Variants in RNF145 observed in about 807,000 individuals in gnomAD.
RNF145 encodes ring finger protein 145.
RNF145 carries 12 observed loss-of-function variants against 57.3 expected under a neutral mutation model. The observed-to-expected ratio is 0.21, with a 90% CI of 0.13 to 0.34. RNF145 has a LOEUF of 0.34. Ranked by LOEUF, RNF145 falls within the 10% of genes least tolerant of loss-of-function variation. The probability of loss-of-function intolerance (pLI) is 1.00; values close to 1 mark genes in which losing one functional copy is unlikely to be tolerated. For synonymous variants in RNF145, 262 were observed against 288.3 expected, an observed-to-expected ratio of 0.91 and a Z score of 0.92; for missense variants, 429 against 799.0, an observed-to-expected ratio of 0.54 and a Z score of 5.58.
intron 3 of RNF145, among the ~76,000 whole-genome samples, chr5:159,182,675 C>T (rs899116087): frequency 7.9e-5 from 12 of 152,056 alleles, no homozygotes; most frequent in African/African-American, 2.9e-4. Flanking sequence ...ACTCATTTAA[C>T]GTGTGACTAC....
intron 6 of RNF145, among the ~76,000 whole-genome samples, chr5:159,172,436 G>A (rs1784589422): frequency 6.6e-6 from 1 of 151,768 alleles, no homozygotes; most frequent in Non-Finnish European, 1.5e-5. Flanking sequence ...AGCCGAGATT[G>A]TGCCACTGTA....
chr5:159,203,064 T>C (rs1432902058), intron 2 of RNF145, among the ~76,000 whole-genome samples: 1 of 152,210 alleles, frequency 6.6e-6, no homozygotes, highest in Non-Finnish European at 1.5e-5. Context: ...CAATAAAGAA[T>C]GTTGCATTTT....
chr5:159,170,140 T>A (rs1320485773), intron 6 of RNF145, among the ~76,000 whole-genome samples: 1 of 152,222 alleles, frequency 6.6e-6, no homozygotes, highest in Non-Finnish European at 1.5e-5. Context: ...CTGACAAGTA[T>A]TCAAAAGAAG....
In RNF145 at chr5:159,169,064, A is replaced by G. The variant is rs1784469132; in HGVS notation, c.939-9T>C. 6.5e-7 allele frequency: 1 copy of G among 1,529,456 alleles called. No individual in the cohort carries two copies. The highest frequency in any genetic ancestry group is 2.4e-5 in the Admixed American group (1 of 41,812). 94.7% of individuals were successfully genotyped at this position (1,529,456 alleles called of 1,614,324 possible). On this transcript the variant is annotated splice_polypyrimidine_tract_variant and intron_variant, in intron 7 of 10. Transcript: ENST00000424310. ...CTCCTTCTGTCATGCCCCTAAAAAA[A>G]GCATACATTTTCAGAAAACATAAAA...
At chr5:159,204,194 A>C (rs1284644253) in intron 1 of RNF145, among the ~76,000 whole-genome samples, 1 of 152,246 alleles carries the variant, frequency 6.6e-6, no homozygotes, top group Non-Finnish European at 1.5e-5. Flanking sequence ...CATGATGTAG[A>C]TACAGGTAGA....
At chr5:159,166,551 TA>T (rs1162259966) in intron 8 of RNF145, among the ~76,000 whole-genome samples, 1 of 152,226 alleles carries the variant, frequency 6.6e-6, no homozygotes, top group African/African-American at 2.4e-5. Context: ...TAATGCAAGA[TA>T]GGAATCCAGT....
chr5:159,206,366 G>C (rs189960871), intron 1 of RNF145, among the ~76,000 whole-genome samples: 4 of 152,034 alleles, frequency 2.6e-5, no homozygotes, highest in African/African-American at 9.7e-5. Context: ...GAAAATCAAA[G>C]AGAAAAAAAT....
At chr5:159,202,123 C>A (rs1785689664) in intron 2 of RNF145, among the ~76,000 whole-genome samples, 1 of 152,174 alleles carries the variant, frequency 6.6e-6, no homozygotes, top group South Asian at 2.1e-4. Context: ...TTATGAACTT[C>A]AATTGTACTC....
At chr5:159,199,280 A>C (rs1240726866) in intron 2 of RNF145, among the ~76,000 whole-genome samples, 3 of 152,166 alleles carry the variant, frequency 2.0e-5, no homozygotes, top group African/African-American at 7.2e-5. Flanking sequence ...CAAACAACAA[A>C]AGATTAAAAT....
chr5:159,166,501 T>C (rs1784397731), intron 8 of RNF145, among the ~76,000 whole-genome samples: 1 of 152,262 alleles, frequency 6.6e-6, no homozygotes, highest in South Asian at 2.1e-4. Flanking sequence ...CTTCTGTTTT[T>C]GACATTTAAG....
chr5:159,169,601 G>A, intron 7 of RNF145, 78 bp downstream of exon 7: 9 of 1,224,534 alleles, frequency 7.3e-6, no homozygotes, highest in South Asian at 3.7e-5. Context: ...AAATTCATCA[G>A]CCAAAGAAAT....
intron 1 of RNF145, chr5:159,207,844 C>A (rs754457189): frequency 1.2e-6 from 2 of 1,614,018 alleles, no homozygotes; most frequent in Non-Finnish European, 1.7e-6. Context: ...ATACAAAGGC[C>A]ATCTTTCAAC....
intron 8 of RNF145, among the ~76,000 whole-genome samples, chr5:159,165,056 A>G (rs1290694236): frequency 6.6e-6 from 1 of 152,222 alleles, no homozygotes; most frequent in Non-Finnish European, 1.5e-5. Flanking sequence ...AATTGAATTC[A>G]TCACAATCCT....
intron 3 of RNF145, among the ~76,000 whole-genome samples, chr5:159,189,500 T>C (rs1419653416): frequency 6.6e-6 from 1 of 152,170 alleles, no homozygotes; most frequent in African/African-American, 2.4e-5. Flanking sequence ...ACACCGCTGG[T>C]AGAAATATGA....
intron 8 of RNF145, among the ~76,000 whole-genome samples, chr5:159,165,230 C>A (rs916761311): frequency 5.3e-5 from 8 of 152,182 alleles, no homozygotes; most frequent in Admixed American, 2.0e-4. Context: ...CAGGGGCAGG[C>A]CTGCCTATAT....
chr5:159,190,449 G>A (rs1041272831), intron 3 of RNF145, among the ~76,000 whole-genome samples: 2 of 152,200 alleles, frequency 1.3e-5, no homozygotes, highest in South Asian at 2.1e-4. Context: ...GCTTTGGGAG[G>A]CTGAGGCAGG....
chr5:159,188,682 C>T (rs1259128647), intron 3 of RNF145, among the ~76,000 whole-genome samples: 1 of 152,080 alleles, frequency 6.6e-6, no homozygotes, highest in East Asian at 1.9e-4. Flanking sequence ...ATTAGAATAT[C>T]AATATTAAAT....
chr5:159,189,641 A>C (rs1785215118), intron 3 of RNF145, among the ~76,000 whole-genome samples: 1 of 152,270 alleles, frequency 6.6e-6, no homozygotes. Context: ...AAACCTGTAC[A>C]TGAATTGTCA....
At chr5:159,181,812 A>C (rs76340753) in intron 4 of RNF145, 148 bp downstream of exon 4, 47 of 524,742 alleles carry the variant, frequency 9.0e-5, no homozygotes, top group African/African-American at 7.6e-4. Context: ...AAAAAAAAAA[A>C]CCACCAAACA....
Sources: gnomAD v4.1 joint callset for allele counts (sites outside exome capture counted in the v4.1 genomes callset) on GRCh38, gnomAD v4.1.1 for gene constraint, MANE v1.5 for transcripts, NCBI Gene and HGNC (gene_info 2026-07-23, HGNC 2026-07-21) for gene names.